The following RBFOX1 variants were observed in gnomAD, a reference collection of about 807,000 sequenced individuals.
RBFOX1 encodes the protein RNA binding fox-1 homolog 1.
A neutral mutation model predicts 57.7 loss-of-function variants in RBFOX1; 8 were observed. That is an observed-to-expected ratio of 0.14 (90% CI 0.08 to 0.25). The LOEUF (loss-of-function observed/expected upper bound fraction) is 0.25, where lower values mean the gene tolerates loss of function less well. Ranked by LOEUF, RBFOX1 falls within the 10% of genes least tolerant of loss-of-function variation. The probability of loss-of-function intolerance (pLI) is 1.00; values close to 1 mark genes in which losing one functional copy is unlikely to be tolerated. For synonymous variants in RBFOX1, 326 were observed against 222.4 expected (o/e 1.47, Z -4.15); for missense variants, 611 against 548.5 (o/e 1.11, Z -1.14).
At position 6,817,433 on chromosome 16, in the gene RBFOX1, C is replaced by T. The variant is rs1024281869; in HGVS notation, c.-16+162783C>T. Among the ~76,000 whole-genome samples, 5 of 151,388 alleles carry T rather than the reference C, an allele frequency of 3.3e-5. No individual in the cohort carries two copies. In the East Asian group the frequency reaches 9.7e-4, roughly 29 times the overall value. ...TTTTAGCTGGACGCAGTGGCTCATGCCTGTAATCCCAACGCTTTGTGAGGC... is the reference window on the plus strand; with the variant it reads ...TTTTAGCTGGACGCAGTGGCTCATGTCTGTAATCCCAACGCTTTGTGAGGC... On this transcript the variant is annotated intron_variant, in intron 3 of 15. Transcript: ENST00000550418.
intron 3 of RBFOX1, among the ~76,000 whole-genome samples, chr16:7,001,406 G>C (rs202035210): frequency 4.1e-5 from 5 of 121,550 alleles, no homozygotes; most frequent in Admixed American, 8.5e-5. Flanking sequence ...ATTTGTATAT[G>C]TATATGTATA....
At chr16:7,665,515 AC>A (rs1206408492) in intron 13 of RBFOX1, among the ~76,000 whole-genome samples, 1 of 152,114 alleles carries the variant, frequency 6.6e-6, no homozygotes, top group Non-Finnish European at 1.5e-5. Context: ...ATTTTCTTTA[AC>A]CTTTTATTCC....
At chr16:7,488,739 A>G (rs1774423203) in intron 4 of RBFOX1, among the ~76,000 whole-genome samples, 1 of 151,898 alleles carries the variant, frequency 6.6e-6, no homozygotes, top group South Asian at 2.1e-4. Flanking sequence ...TTATCCACCT[A>G]TCTACTATCT....
chr16:7,349,243 A>G (rs2097081459), intron 4 of RBFOX1, among the ~76,000 whole-genome samples: 1 of 152,164 alleles, frequency 6.6e-6, no homozygotes, highest in African/African-American at 2.4e-5. Context: ...GCAGCCTTCT[A>G]TCACAAGTGG....
intron 2 of RBFOX1, among the ~76,000 whole-genome samples, chr16:6,544,646 A>C (rs561002097): frequency 2.3e-4 from 35 of 152,348 alleles, no homozygotes; most frequent in African/African-American, 5.0e-4. Context: ...TTTGAGGATC[A>C]TAACTTCAGT....
At chr16:5,649,083 A>G (rs34093289) in intron 3 of RBFOX1, among the ~76,000 whole-genome samples, 4,197 of 152,152 alleles carry the variant, frequency 0.028, 195 homozygotes, top group African/African-American at 0.096. Context: ...TATATATCAG[A>G]TGTTTAAAGA....
rs2068557525 is a variant in RBFOX1 at position 5,454,905 on chromosome 16, T to TC, written c.220-12310dup. The stretch of plus-strand genomic sequence containing the variant: ...TTCTTTCTTTCTTTCTTTCTTTCTT[T>TC]CTTTCTTTCCTTTGTTTCTTTCTTC... On this transcript the variant is annotated intron_variant, in intron 1 of 2. Transcript: ENST00000585867. 4.7e-4 allele frequency among the ~76,000 whole-genome samples: 61 copies of TC among 129,532 alleles called. 1 individual carries two copies. Among genetic ancestry groups the TC allele is most frequent in the African/African-American group, 1.3e-3 (46 of 35,806 alleles). 85.0% of individuals were successfully genotyped at this position (129,532 alleles called of 152,430 possible).
chr16:7,119,073 C>G (rs1346005700), intron 4 of RBFOX1, among the ~76,000 whole-genome samples: 1 of 151,978 alleles, frequency 6.6e-6, no homozygotes, highest in African/African-American at 2.4e-5. Context: ...TGAATAAAAC[C>G]CAGTCAGTAA....
chr16:7,593,721 T>C (rs1602760816), intron 7 of RBFOX1, among the ~76,000 whole-genome samples: 1 of 152,024 alleles, frequency 6.6e-6, no homozygotes, highest in South Asian at 2.1e-4. Context: ...CCTGTATATA[T>C]AGAGGGCTGA....
intron 3 of RBFOX1, among the ~76,000 whole-genome samples, chr16:6,699,328 A>C (rs1319194165): frequency 5.4e-5 from 8 of 149,012 alleles, no homozygotes; most frequent in African/African-American, 7.5e-5. Context: ...AGTGACTTTC[A>C]GGATCAGTGA....
intron 3 of RBFOX1, among the ~76,000 whole-genome samples, chr16:6,763,310 C>T (rs765809787): frequency 6.5e-5 from 9 of 138,112 alleles, no homozygotes; most frequent in Admixed American, 1.6e-4. Context: ...AAACCATTTA[C>T]CAGTATAGGG....
chr16:7,403,019 G>A (rs573290751), intron 4 of RBFOX1, among the ~76,000 whole-genome samples: 2 of 152,292 alleles, frequency 1.3e-5, no homozygotes, highest in East Asian at 1.9e-4. Flanking sequence ...CCCCGTTCAC[G>A]ATGCAGTTGT....
intron 1 of RBFOX1, among the ~76,000 whole-genome samples, chr16:5,333,631 C>T (rs372764599): frequency 3.3e-5 from 5 of 152,140 alleles, no homozygotes; most frequent in South Asian, 2.1e-4. Context: ...CGCATAATGA[C>T]GGGGACGTGT....
intron 3 of RBFOX1, among the ~76,000 whole-genome samples, chr16:6,970,622 T>G (rs978337241): frequency 6.6e-6 from 1 of 152,170 alleles, no homozygotes; most frequent in East Asian, 1.9e-4. Context: ...TCCTGCCTCT[T>G]TTGGAAGGGC....
intron 1 of RBFOX1, among the ~76,000 whole-genome samples, chr16:5,306,358 C>T (rs1214081479): frequency 6.7e-6 from 1 of 148,656 alleles, no homozygotes; most frequent in East Asian, 2.0e-4. Flanking sequence ...TCACCCTTGT[C>T]ACCCAGGCTG....
Position 6,810,620 on chromosome 16 carries a change from C to T in RBFOX1, c.-16+155970C>T, listed in dbSNP as rs145107075. On this transcript the variant is annotated intron_variant, in intron 3 of 15. Coordinates refer to ENST00000550418, the MANE Select transcript of RBFOX1 (RefSeq NM_018723.4). ...AGAGCTATAAAGAACTTCCTGGAGA[C>T]TGGGTATTTTATAAAGGAAAGAGGT... is the stretch of plus-strand genomic sequence containing the variant. Among the ~76,000 whole-genome samples, 687 of 152,020 alleles carry T rather than the reference C, an allele frequency of 4.5e-3. 5 individuals carry two copies. Among genetic ancestry groups the T allele is most frequent in the African/African-American group, 0.016 (643 of 41,452 alleles).
At chr16:5,600,327 C>A (rs534543157), downstream of RBFOX1, among the ~76,000 whole-genome samples, 520 of 149,830 alleles carry the variant, frequency 3.5e-3, 8 homozygotes, top group Admixed American at 0.031. Context: ...AAAAAAAAAA[C>A]AAAACCAAAT....
chr16:6,330,654 C>A (rs534112796), intron 2 of RBFOX1, among the ~76,000 whole-genome samples: 2 of 152,292 alleles, frequency 1.3e-5, no homozygotes, highest in East Asian at 1.9e-4. Context: ...GTGGGAAAAC[C>A]AGACACCCAT....
intron 14 of RBFOX1, among the ~76,000 whole-genome samples, chr16:7,688,963 T>G (rs563775493): frequency 6.6e-6 from 1 of 152,168 alleles, no homozygotes; most frequent in East Asian, 1.9e-4. Flanking sequence ...AAGCAGAACC[T>G]TAGATAGTAA....
Sources: allele counts gnomAD v4.1 joint callset (sites outside exome capture counted in the v4.1 genomes callset), GRCh38; gene constraint gnomAD v4.1.1; transcripts MANE v1.5; gene names NCBI Gene and HGNC (gene_info 2026-07-23, HGNC 2026-07-21).